SMAD2: variants seen among roughly 807,000 people sequenced by gnomAD.
SMAD2 encodes MAD homolog 2.
SMAD2 carries 8 observed loss-of-function variants against 64.4 expected under a neutral mutation model. The ratio of observed to expected loss-of-function variants is 0.12; its 90% CI spans 0.07 to 0.22. The LOEUF is 0.22. Ranked by LOEUF, SMAD2 falls within the 10% of genes least tolerant of loss-of-function variation. The probability of loss-of-function intolerance (pLI) is 1.00; values close to 1 mark genes in which losing one functional copy is unlikely to be tolerated. For missense variants in SMAD2, 289 were observed against 561.2 expected (o/e 0.51, Z 4.90); for synonymous variants, 203 against 195.8 (o/e 1.04, Z -0.31).
intron 6 of SMAD2, among the ~76,000 whole-genome samples, chr18:47,863,597 C>A (rs188602195): frequency 6.6e-6 from 1 of 152,238 alleles, no homozygotes; most frequent in African/African-American, 2.4e-5. Context: ...CTTTCAAGGT[C>A]CATCCATGTT....
chr18:47,901,315 T>C (rs1353186037), intron 1 of SMAD2, among the ~76,000 whole-genome samples: 2 of 152,192 alleles, frequency 1.3e-5, no homozygotes, highest in East Asian at 1.9e-4. Flanking sequence ...CTGATTGGTA[T>C]AGCCACACTT....
Position 47,850,385 on chromosome 18 carries a change from TATA to T in SMAD2, c.784+886_784+888del, listed in dbSNP as rs1356763450. On this transcript the variant is annotated intron_variant, in intron 7 of 10. Transcript: ENST00000262160. ...TGTATAATATATATTATATATATTA[TATA>T]ATATATATTATATATTATGTATAAT... Among the ~76,000 whole-genome samples, 14 of 21,188 alleles carry T rather than the reference TATA, an allele frequency of 6.6e-4. 3 individuals are homozygous for T. The highest frequency in any genetic ancestry group is 7.8e-4 in the Non-Finnish European group (12 of 15,296). 13.9% of individuals were successfully genotyped at this position (21,188 alleles called of 152,430 possible).
At chr18:47,901,553 A>T (rs371881349) in intron 1 of SMAD2, among the ~76,000 whole-genome samples, 5 of 135,686 alleles carry the variant, frequency 3.7e-5, no homozygotes, top group African/African-American at 1.1e-4. Flanking sequence ...TCTATATCCA[A>T]TTTTTTTCTG....
intron 1 of SMAD2, among the ~76,000 whole-genome samples, chr18:47,909,364 T>G (rs934089001): frequency 2.0e-5 from 3 of 152,146 alleles, no homozygotes; most frequent in Non-Finnish European, 2.9e-5. Context: ...TTAAAAAATG[T>G]CAAGATAACA....
At chr18:47,890,949 T>A (rs554448151) in intron 2 of SMAD2, among the ~76,000 whole-genome samples, 1 of 152,340 alleles carries the variant, frequency 6.6e-6, no homozygotes, top group African/African-American at 2.4e-5. Flanking sequence ...GTTTTTTTAA[T>A]GACAACTGCT....
chr18:47,900,065 T>C (rs140229558), intron 1 of SMAD2, among the ~76,000 whole-genome samples: 1 of 152,148 alleles, frequency 6.6e-6, no homozygotes, highest in Non-Finnish European at 1.5e-5. Context: ...AAAGCCAATA[T>C]AACAACCTCT....
chr18:47,885,457 C>T (rs925023223), intron 2 of SMAD2, among the ~76,000 whole-genome samples: 1 of 151,848 alleles, frequency 6.6e-6, no homozygotes, highest in Admixed American at 6.6e-5. Context: ...CATGAGCCAC[C>T]GTGTCTGGCC....
At chr18:47,890,193 G>A (rs2033124712) in intron 2 of SMAD2, among the ~76,000 whole-genome samples, 1 of 152,198 alleles carries the variant, frequency 6.6e-6, no homozygotes, top group Non-Finnish European at 1.5e-5. Context: ...TGTTTCACGT[G>A]ATACTTGACC....
rs1427327678 is a variant in SMAD2 at position 47,826,233 on chromosome 18, T to A, written c.*15594A>T. ...ACTCTATTAAGTCCCAGCTTGAGCA[T>A]TCTTCAGCTTCTCCACATTTTCCAT... is the stretch of plus-strand genomic sequence containing the variant. On this transcript the variant is annotated 3_prime_UTR_variant, in exon 11 of 11. Coordinates refer to ENST00000262160, the MANE Select transcript of SMAD2 (RefSeq NM_005901.6). 6.6e-6 allele frequency: 1 copy of A among 152,304 alleles called. No homozygotes were observed. Among genetic ancestry groups the A allele is most frequent in the Admixed American group, 6.5e-5 (1 of 15,292 alleles). The allele number at this position is 152,304 out of a possible 1,614,324, so 9.4% of individuals were successfully genotyped here. A position where few individuals can be genotyped will look rare whatever the true frequency, so the allele number is the denominator to read the frequency against.
At chr18:47,881,116 G>A (rs563547348) in intron 2 of SMAD2, among the ~76,000 whole-genome samples, 1 of 152,238 alleles carries the variant, frequency 6.6e-6, no homozygotes, top group Non-Finnish European at 1.5e-5. Flanking sequence ...TCCTTCTTCC[G>A]AGTGTCAATC....
Position 47,832,129 on chromosome 18 carries a change from G to A in SMAD2, c.*9698C>T, listed in dbSNP as rs549287695. 1.3e-4 allele frequency: 20 copies of A among 152,302 alleles called. No homozygotes were observed. In the East Asian group the frequency reaches 3.9e-3, roughly 29 times the overall value. 9.4% of individuals were successfully genotyped at this position (152,302 alleles called of 1,614,324 possible). On this transcript the variant is annotated 3_prime_UTR_variant, in exon 11 of 11. Transcript: ENST00000262160. ...GAGGGAAAAACAGAATATGCCAAGTGGGGAGACAGCCCAAACATAGACCTT... is the reference window on the plus strand; with the variant it reads ...GAGGGAAAAACAGAATATGCCAAGTAGGGAGACAGCCCAAACATAGACCTT...
intron 2 of SMAD2, among the ~76,000 whole-genome samples, chr18:47,871,470 T>A (rs1335238857): frequency 2.0e-5 from 3 of 152,204 alleles, no homozygotes; most frequent in African/African-American, 7.2e-5. Context: ...AGGGCAATGG[T>A]GAGAAGCGCT....
chr18:47,905,074 T>C (rs779421959), intron 1 of SMAD2, among the ~76,000 whole-genome samples: 1 of 152,162 alleles, frequency 6.6e-6, no homozygotes, highest in Non-Finnish European at 1.5e-5. Flanking sequence ...ACTGACTTTA[T>C]ATTCTACAGT....
At chr18:47,920,862 T>C (rs1202466204) in intron 1 of SMAD2, among the ~76,000 whole-genome samples, 1 of 152,212 alleles carries the variant, frequency 6.6e-6, no homozygotes, top group Non-Finnish European at 1.5e-5. Context: ...TGATGATATA[T>C]TCAGACACCC....
intron 1 of SMAD2, among the ~76,000 whole-genome samples, chr18:47,923,320 C>T (rs939177974): frequency 6.6e-6 from 1 of 152,116 alleles, no homozygotes; most frequent in East Asian, 1.9e-4. Flanking sequence ...ACTAATACCA[C>T]GTCAATTCAC....
At chr18:47,874,115 CTAA>C (rs1471129864) in intron 2 of SMAD2, among the ~76,000 whole-genome samples, 1 of 152,152 alleles carries the variant, frequency 6.6e-6, no homozygotes, top group Admixed American at 6.5e-5. Flanking sequence ...ACCTAATTCC[CTAA>C]TGATTGTTGC....
At position 47,808,964 on chromosome 18, in the gene SMAD2, C is replaced by T. The variant is rs550193010; in HGVS notation, c.*32863G>A. 6.6e-6 allele frequency: 1 copy of T among 152,224 alleles called. No homozygotes were observed. The allele number at this position is 152,224 out of a possible 1,614,324, so 9.4% of individuals were successfully genotyped here. ...GAAAAGCAGTCTCGTTGCTTCATTT[C>T]CACCTTTATTCTTTATTACCAACAC... On this transcript the variant is annotated 3_prime_UTR_variant, in exon 11 of 11. Transcript: ENST00000262160.
intron 7 of SMAD2, among the ~76,000 whole-genome samples, chr18:47,850,841 ATT>A (rs1568043274): frequency 2.6e-3 from 50 of 19,118 alleles, no homozygotes; most frequent in East Asian, 0.014. Flanking sequence ...TATTATGTAT[ATT>A]ATATATTATA....
rs1913466854 is a variant in SMAD2, at chr18:47,836,915, T to G, written c.*4912A>C. ...TAATAAAAAATTGAAAAGGAAGATA[T>G]AAAAAGAACTCAATAGCAGGATTCT... On this transcript the variant is annotated 3_prime_UTR_variant, in exon 11 of 11. Coordinates refer to ENST00000262160, the MANE Select transcript of SMAD2 (RefSeq NM_005901.6). 1 of 210,700 alleles carries G rather than the reference T, an allele frequency of 4.7e-6. No homozygotes were observed. The highest frequency in any genetic ancestry group is 9.6e-6 in the Non-Finnish European group (1 of 103,810). The allele number at this position is 210,700 out of a possible 1,614,324, so 13.1% of individuals were successfully genotyped here.
Sources: gnomAD v4.1 joint callset for allele counts (sites outside exome capture counted in the v4.1 genomes callset) on GRCh38, gnomAD v4.1.1 for gene constraint, MANE v1.5 for transcripts, NCBI Gene and HGNC (gene_info 2026-07-23, HGNC 2026-07-21) for gene names.